The following PANK1 variants were observed in gnomAD, a reference collection of about 807,000 sequenced individuals.
PANK1 encodes the protein pantothenate kinase 1.
Under a neutral mutation model 40.1 loss-of-function variants are expected in PANK1, and 18 were observed. The ratio of observed to expected loss-of-function variants is 0.45; its 90% CI spans 0.31 to 0.67. The LOEUF is 0.67. Ranked by LOEUF, PANK1 falls within the 30% of genes least tolerant of loss-of-function variation. The pLI is 0.06. For missense variants in PANK1, 457 were observed against 599.6 expected, an observed-to-expected ratio of 0.76 and a Z score of 2.48; for synonymous variants, 242 against 237.7, an observed-to-expected ratio of 1.02 and a Z score of -0.17.
chr10:89,626,153 C>G (rs910427402), intron 1 of PANK1: 1 of 152,168 alleles, frequency 6.6e-6, no homozygotes, highest in East Asian at 1.9e-4. Flanking sequence ...CAGTTAAGTT[C>G]TCACGCTGTG....
At chr10:89,643,946 G>GAA in intron 1 of PANK1, 3 of 1,099,026 alleles carry the variant, frequency 2.7e-6, no homozygotes, top group Non-Finnish European at 2.4e-6. Flanking sequence ...CCCCTTCGTT[G>GAA]AAAAAAAAAA....
intron 2 of PANK1, among the ~76,000 whole-genome samples, chr10:89,601,351 C>T (rs1387071007): frequency 7.6e-6 from 1 of 130,832 alleles, no homozygotes. Context: ...GTGTGGGGTA[C>T]ATGCTGCTGG....
chr10:89,599,187 C>T, intron 3 of PANK1, 65 bp downstream of exon 3: 1 of 1,451,202 alleles, frequency 6.9e-7, no homozygotes, highest in East Asian at 2.3e-5. Flanking sequence ...TATAAATAAC[C>T]TTTTACTATA....
Position 89,629,599 on chromosome 10 carries a change from CTG to C in PANK1, c.292+14999_292+15000del, listed in dbSNP as rs569166334. ...AGATAAAAGTGACGTCTTATTTGCA[CTG>C]TCTCATTTTACAAATCACATCACAT... On this transcript the variant is annotated intron_variant, in intron 1 of 6. Coordinates refer to ENST00000307534, the MANE Select transcript of PANK1 (RefSeq NM_148977.3). 3.3e-4 allele frequency among the ~76,000 whole-genome samples: 51 copies of C among 152,294 alleles called. No homozygotes were observed. The South Asian group carries it at 0.01, about 31-fold the overall frequency.
chr10:89,623,210 A>AT (rs899543804), intron 1 of PANK1, among the ~76,000 whole-genome samples: 2 of 151,564 alleles, frequency 1.3e-5, no homozygotes, highest in Admixed American at 6.6e-5. Context: ...CACTTTTCTT[A>AT]TTTTTTTGTT....
intron 1 of PANK1, among the ~76,000 whole-genome samples, chr10:89,637,182 G>A (rs1326366761): frequency 2.0e-5 from 3 of 151,992 alleles, no homozygotes; most frequent in African/African-American, 4.8e-5. Flanking sequence ...TGAGCCACAG[G>A]TGGGGTGAGC....
rs11185826 is a variant in PANK1 at position 89,644,691 on chromosome 10, C to G, written c.201G>C (p.Leu67=). 419,555 of 1,547,850 alleles carry G rather than the reference C, an allele frequency of 0.27. 60,684 individuals are homozygous for G. The highest frequency in any genetic ancestry group is 0.48 in the African/African-American group (33,961 of 71,268). ...GCTGAGGGAGCAGTGGCTGCGGCTG[C>G]AGCTCCGGCAGGAGCGGGAGGCGCT... ...APQRLPLLPE[L]QPQPLLPQHD... Residue 67 remains leucine, a synonymous_variant, in exon 1 of 7, where the codon CTG becomes CTC. Coordinates refer to ENST00000307534, the MANE Select transcript of PANK1 (RefSeq NM_148977.3).
chr10:89,599,219 T>A, intron 3 of PANK1, 33 bp downstream of exon 3: 1 of 1,592,894 alleles, frequency 6.3e-7, no homozygotes, highest in Non-Finnish European at 8.6e-7. Context: ...AAGAAAGAGG[T>A]CTGGGTTCAA....
intron 1 of PANK1, among the ~76,000 whole-genome samples, chr10:89,623,326 A>G (rs948687699): frequency 1.3e-5 from 2 of 152,230 alleles, no homozygotes; most frequent in Middle Eastern, 3.4e-3. Flanking sequence ...GGTTAACGCC[A>G]TTCTCCTGCC....
At chr10:89,639,352 C>A in intron 1 of PANK1, 1 of 313,934 alleles carries the variant, frequency 3.2e-6, no homozygotes, top group Non-Finnish European at 6.7e-6. Flanking sequence ...CCATTAAGCC[C>A]CACCTTCTAA....
intron 2 of PANK1, among the ~76,000 whole-genome samples, chr10:89,610,499 C>G (rs1405850086): frequency 1.3e-5 from 2 of 152,042 alleles, no homozygotes; most frequent in Admixed American, 6.6e-5. Flanking sequence ...TAATTAGTCT[C>G]ACTTAGGATA....
chr10:89,644,550 C>T (rs1165634180), intron 1 of PANK1, 50 bp downstream of exon 1: 1 of 1,523,410 alleles, frequency 6.6e-7, no homozygotes, highest in South Asian at 1.2e-5. Context: ...TCCCGGGCCC[C>T]GCACGCTGCG....
At chr10:89,588,194 TA>T (rs974575569) in intron 6 of PANK1, among the ~76,000 whole-genome samples, 68 of 149,738 alleles carry the variant, frequency 4.5e-4, no homozygotes, top group African/African-American at 1.0e-3. Context: ...TGTACCACAT[TA>T]AAAAAAAAAT....
chr10:89,602,856 T>G (rs374718366), intron 2 of PANK1, among the ~76,000 whole-genome samples: 1 of 152,160 alleles, frequency 6.6e-6, no homozygotes, highest in East Asian at 1.9e-4. Context: ...TGTTACCAGA[T>G]GACCCTATTT....
At chr10:89,604,050 T>G (rs1327424872) in intron 2 of PANK1, among the ~76,000 whole-genome samples, 6 of 152,174 alleles carry the variant, frequency 3.9e-5, no homozygotes, top group Non-Finnish European at 8.8e-5. Context: ...GACTGGTCCC[T>G]TGGAGATTTC....
chr10:89,631,328 G>A (rs747031312), intron 1 of PANK1, among the ~76,000 whole-genome samples: 7 of 152,154 alleles, frequency 4.6e-5, no homozygotes, highest in Non-Finnish European at 8.8e-5. Flanking sequence ...TGAGTGATAC[G>A]GATTCAGGAT....
In PANK1 at chr10:89,644,842, C is replaced by T. The variant is rs986744903; in HGVS notation, c.50G>A (p.Gly17Glu). Residue 17 changes from glycine to glutamate, a missense_variant, in exon 1 of 7, where the codon GGG (glycine) becomes GAG (glutamate). This residue lies in a region of PANK1 where 144 missense variants were observed against 131.2 expected (regional missense o/e 1.10). Transcript: ENST00000307534. ...GGCGGCGCTGGTGCCCACGGGGGCC[C>T]CTGGAGAGTGCGGGACCGAGCGCTC... Reference protein sequence around the residue: ...QQERSVPHSPGAPVGTSAAAV... With the variant: ...QQERSVPHSPEAPVGTSAAAV... 6.8e-7 allele frequency: 1 copy of T among 1,470,478 alleles called. No homozygotes were observed. The highest frequency in any genetic ancestry group is 1.5e-5 in the African/African-American group (1 of 66,928). The allele number at this position is 1,470,478 out of a possible 1,614,324, so 91.1% of individuals were successfully genotyped here.
At chr10:89,635,080 C>G in intron 1 of PANK1, among the ~76,000 whole-genome samples, 1 of 151,908 alleles carries the variant, frequency 6.6e-6, no homozygotes, top group East Asian at 1.9e-4. Context: ...AATTAAATAA[C>G]AGCAATGATA....
chr10:89,623,963 T>C (rs1477589941), intron 1 of PANK1, among the ~76,000 whole-genome samples: 1 of 152,180 alleles, frequency 6.6e-6, no homozygotes, highest in Non-Finnish European at 1.5e-5. Flanking sequence ...AGGACACATG[T>C]ATGTTTGTGG....
Sources: gnomAD v4.1 joint callset for allele counts (sites outside exome capture counted in the v4.1 genomes callset) on GRCh38, gnomAD v4.1.1 for gene constraint, gnomAD v4.1.1 regional missense constraint, MANE v1.5 for transcripts, NCBI Gene and HGNC (gene_info 2026-07-23, HGNC 2026-07-21) for gene names.